WWTR1: variants seen among roughly 807,000 people sequenced by gnomAD.
WWTR1 encodes WW domain-containing transcription regulator protein 1.
Under a neutral mutation model 40.1 loss-of-function variants are expected in WWTR1, and 13 were observed. The ratio of observed to expected loss-of-function variants is 0.32; its 90% CI spans 0.21 to 0.52. The LOEUF is 0.52. Among genes scored for constraint, WWTR1 ranks in the 20% least tolerant of loss-of-function variants. The pLI, the probability that WWTR1 is intolerant of heterozygous loss-of-function variation, is 0.97. For synonymous variants in WWTR1, 230 were observed against 210.1 expected, an observed-to-expected ratio of 1.09 and a Z score of -0.82; for missense variants, 436 against 523.1, an observed-to-expected ratio of 0.83 and a Z score of 1.63.
intron 3 of WWTR1, among the ~76,000 whole-genome samples, chr3:149,548,570 T>G (rs1736474409): frequency 6.6e-6 from 1 of 152,200 alleles, no homozygotes; most frequent in South Asian, 2.1e-4. Context: ...CGGACAGGCC[T>G]GCAAGGGGCT....
chr3:149,585,274 A>C (rs1738369187), intron 2 of WWTR1, among the ~76,000 whole-genome samples: 1 of 152,160 alleles, frequency 6.6e-6, no homozygotes, highest in East Asian at 1.9e-4. Flanking sequence ...CTGGCACTAC[A>C]GGCATGCGCC....
At chr3:149,661,383 A>G (rs1467025357), upstream of WWTR1, 1 of 152,182 alleles carries the variant, frequency 6.6e-6, no homozygotes, top group Admixed American at 6.5e-5. Flanking sequence ...TGTTTTTTAA[A>G]TGTAGAATGT....
In WWTR1 at chr3:149,573,047, T is replaced by C. The variant is rs200341740; in HGVS notation, c.432-47A>G. 6 of 1,533,238 alleles carry C rather than the reference T, an allele frequency of 3.9e-6. No individual in the cohort carries two copies. In the East Asian group the frequency reaches 1.1e-4, roughly 29 times the overall value. The allele number at this position is 1,533,238 out of a possible 1,614,324, so 95.0% of individuals were successfully genotyped here. A position where few individuals can be genotyped will look rare whatever the true frequency, so the allele number is the denominator to read the frequency against. ...ATTATCTTTTTAATTGTCAGCATCATTATCATCATCACCAACAACAGCATA... is the reference window on the plus strand; with the variant it reads ...ATTATCTTTTTAATTGTCAGCATCACTATCATCATCACCAACAACAGCATA... On this transcript the variant is annotated intron_variant, in intron 2 of 6. Transcript: ENST00000360632.
At chr3:149,651,906 T>TG (rs1017084075) in intron 2 of WWTR1, among the ~76,000 whole-genome samples, 10 of 146,744 alleles carry the variant, frequency 6.8e-5, no homozygotes, top group Admixed American at 5.6e-4. Flanking sequence ...CTCGGCTCAC[T>TG]GCAAGCTCCG....
chr3:149,580,778 A>G (rs1738116206), intron 2 of WWTR1, among the ~76,000 whole-genome samples: 2 of 152,042 alleles, frequency 1.3e-5, no homozygotes, highest in Admixed American at 1.3e-4. Flanking sequence ...ACACCTGGCT[A>G]ACTTTTGTAT....
At chr3:149,581,192 A>T (rs1446931649) in intron 2 of WWTR1, among the ~76,000 whole-genome samples, 1 of 152,204 alleles carries the variant, frequency 6.6e-6, no homozygotes, top group East Asian at 1.9e-4. Context: ...GGTTATAATG[A>T]TTCTTCCATT....
chr3:149,695,809 A>T (rs1714968657), intron 1 of WWTR1, among the ~76,000 whole-genome samples: 1 of 146,522 alleles, frequency 6.8e-6, no homozygotes, highest in Non-Finnish European at 1.5e-5. Context: ...ATATATATAT[A>T]TTTAAAAAAG....
At chr3:149,689,380 C>CAAAAAAAAAAAAAAAAAAAAACA (rs3044083) in intron 1 of WWTR1, among the ~76,000 whole-genome samples, 1 of 36,696 alleles carries the variant, frequency 2.7e-5, no homozygotes, top group Admixed American at 4.9e-4. Context: ...GAACCTATCT[C>CAAAAAAAAAAAAAAAAAAAAACA]AAAAAAAAAA....
chr3:149,721,639 T>A (rs1487544422), intron 4 of WWTR1, among the ~76,000 whole-genome samples: 1 of 152,224 alleles, frequency 6.6e-6, no homozygotes, highest in Admixed American at 6.5e-5. Flanking sequence ...TAGGGTGTAA[T>A]CTCTTCAATT....
chr3:149,677,205 C>T (rs923087708), intron 1 of WWTR1, among the ~76,000 whole-genome samples: 3 of 152,070 alleles, frequency 2.0e-5, no homozygotes, highest in Non-Finnish European at 2.9e-5. Flanking sequence ...AGTGAGCCAC[C>T]GCACCCGGCT....
intron 2 of WWTR1, among the ~76,000 whole-genome samples, chr3:149,589,442 G>A (rs1272905898): frequency 6.6e-6 from 1 of 151,968 alleles, no homozygotes; most frequent in Non-Finnish European, 1.5e-5. Context: ...AACAAATAAT[G>A]GTTTAAATTT....
chr3:149,613,006 C>G (rs1312912397), intron 2 of WWTR1, among the ~76,000 whole-genome samples: 2 of 152,222 alleles, frequency 1.3e-5, no homozygotes, highest in Non-Finnish European at 2.9e-5. Flanking sequence ...CAATGCCAGT[C>G]TGAAAACCAT....
chr3:149,619,599 G>T (rs1740173149), intron 2 of WWTR1, among the ~76,000 whole-genome samples: 1 of 152,028 alleles, frequency 6.6e-6, no homozygotes, highest in African/African-American at 2.4e-5. Flanking sequence ...TTCCAGCCTG[G>T]GTGACAGAGT....
intron 3 of WWTR1, among the ~76,000 whole-genome samples, chr3:149,559,369 T>C (rs1350974062): frequency 3.3e-5 from 5 of 151,136 alleles, no homozygotes; most frequent in Non-Finnish European, 7.4e-5. Context: ...TATAAGTATT[T>C]CTGGGTAAAG....
intron 2 of WWTR1, among the ~76,000 whole-genome samples, chr3:149,625,097 A>AC (rs1412812933): frequency 9.1e-6 from 1 of 109,296 alleles, no homozygotes; most frequent in Non-Finnish European, 1.9e-5. Flanking sequence ...AGACAACTCT[A>AC]CCCTTTTTTT....
chr3:149,576,955 C>T (rs776869458), intron 2 of WWTR1, among the ~76,000 whole-genome samples: 27 of 152,210 alleles, frequency 1.8e-4, no homozygotes, highest in African/African-American at 3.9e-4. Context: ...GTTGGGAGTT[C>T]GAGACCAGCC....
chr3:149,698,361 C>G (rs1022612815), intron 1 of WWTR1, among the ~76,000 whole-genome samples: 6 of 152,224 alleles, frequency 3.9e-5, no homozygotes, highest in Non-Finnish European at 8.8e-5. Context: ...TCACCTGCCA[C>G]CATGTAAGAC....
At chr3:149,716,081 T>G (rs916577564) in intron 5 of WWTR1, among the ~76,000 whole-genome samples, 1 of 152,160 alleles carries the variant, frequency 6.6e-6, no homozygotes, top group Non-Finnish European at 1.5e-5. Context: ...CTATTTGTTT[T>G]GAATTCAGAA....
chr3:149,592,677 T>C (rs1738786941), intron 2 of WWTR1, among the ~76,000 whole-genome samples: 2 of 152,294 alleles, frequency 1.3e-5, no homozygotes, highest in African/African-American at 4.8e-5. Flanking sequence ...TTAACTTGTG[T>C]TTTTAAAAAG....
Sources: gnomAD v4.1 joint callset for allele counts (sites outside exome capture counted in the v4.1 genomes callset) on GRCh38, gnomAD v4.1.1 for gene constraint, MANE v1.5 for transcripts, NCBI Gene and HGNC (gene_info 2026-07-23, HGNC 2026-07-21) for gene names.